Variants in CCDC178 observed in about 807,000 individuals in gnomAD.
CCDC178 encodes coiled-coil domain-containing protein 178.
In CCDC178, 126 loss-of-function variants were observed where a neutral mutation model predicts 117.4. That is an observed-to-expected ratio of 1.07 (90% CI 0.93 to 1.24). The LOEUF is 1.24. CCDC178 is among the 50% of genes most tolerant of loss of function. The pLI is 0.00. For missense variants in CCDC178, 1,030 were observed against 986.9 expected, an observed-to-expected ratio of 1.04 and a Z score of -0.59; for synonymous variants, 283 against 313.4, an observed-to-expected ratio of 0.90 and a Z score of 1.02.
At chr18:33,124,516 A>G (rs1406233721) in intron 20 of CCDC178, among the ~76,000 whole-genome samples, 4 of 152,146 alleles carry the variant, frequency 2.6e-5, no homozygotes, top group African/African-American at 9.7e-5. Context: ...CTAGTTACTA[A>G]TACTAGTTTT....
intron 11 of CCDC178, among the ~76,000 whole-genome samples, chr18:33,303,840 A>T (rs1447158623): frequency 6.6e-6 from 1 of 152,196 alleles, no homozygotes; most frequent in Non-Finnish European, 1.5e-5. Flanking sequence ...GGGAGGAAGC[A>T]GTAGTCAGGG....
At position 33,346,329 on chromosome 18, in the gene CCDC178, G is replaced by A. The variant is rs769019497; in HGVS notation, c.540C>T (p.Asp180=). 2.7e-5 allele frequency: 44 copies of A among 1,613,242 alleles called. No individual in the cohort carries two copies. Among genetic ancestry groups the A allele is most frequent in the Non-Finnish European group, 3.5e-5 (41 of 1,179,518 alleles). ...TTAAAGCTTCTTCAGCGTCTGCCCGGTCAGTTTCTAGACTTTTAATGAGAC... is the reference window on the plus strand; with the variant it reads ...TTAAAGCTTCTTCAGCGTCTGCCCGATCAGTTTCTAGACTTTTAATGAGAC... The part of the protein sequence containing the change: ...AIRLIKSLET[D]RADAEEALKQ... Residue 180 remains aspartate (D), a synonymous_variant, in exon 9 of 23, where the codon GAC becomes GAT. Coordinates refer to ENST00000383096, the MANE Select transcript of CCDC178 (RefSeq NM_001105528.4).
intron 14 of CCDC178, among the ~76,000 whole-genome samples, chr18:33,248,077 A>G (rs1460257940): frequency 1.3e-5 from 2 of 151,844 alleles, no homozygotes; most frequent in Non-Finnish European, 2.9e-5. Flanking sequence ...TATTGTGATA[A>G]AACAGCAGAA....
chr18:33,209,414 T>C (rs1041637380), intron 20 of CCDC178, among the ~76,000 whole-genome samples: 1 of 152,060 alleles, frequency 6.6e-6, no homozygotes, highest in African/African-American at 2.4e-5. Flanking sequence ...AAGTATTTTA[T>C]TAAACCATCC....
At chr18:33,212,149 A>G (rs2144590952) in intron 19 of CCDC178, 94 bp from the exon 20 acceptor site, 4 of 958,432 alleles carry the variant, frequency 4.2e-6, no homozygotes, top group Non-Finnish European at 6.0e-6. Context: ...AAAATGAAAA[A>G]TCTTGAAGAC....
intron 21 of CCDC178, among the ~76,000 whole-genome samples, chr18:33,062,081 G>T (rs540460065): frequency 1.1e-4 from 16 of 152,134 alleles, no homozygotes; most frequent in Non-Finnish European, 2.2e-4. Context: ...TCAATTAACA[G>T]AATCAATTCA....
At chr18:33,078,993 A>T (rs1484515540) in intron 21 of CCDC178, among the ~76,000 whole-genome samples, 1 of 152,172 alleles carries the variant, frequency 6.6e-6, no homozygotes, top group Non-Finnish European at 1.5e-5. Context: ...AAAAGAACAA[A>T]GGTGGAGGCA....
intron 18 of CCDC178, among the ~76,000 whole-genome samples, chr18:33,221,888 A>C (rs553136450): frequency 5.9e-5 from 9 of 152,238 alleles, no homozygotes; most frequent in African/African-American, 2.2e-4. Flanking sequence ...ACAAAATCTT[A>C]GTAGTAGTTG....
chr18:33,359,330 T>G (rs1216250222), intron 6 of CCDC178, among the ~76,000 whole-genome samples: 5 of 151,756 alleles, frequency 3.3e-5, no homozygotes, highest in African/African-American at 4.8e-5. Context: ...AGGTAATATA[T>G]CAAAACATTA....
At chr18:33,399,090 C>T (rs1379012361) in intron 3 of CCDC178, among the ~76,000 whole-genome samples, 2 of 151,988 alleles carry the variant, frequency 1.3e-5, no homozygotes, top group African/African-American at 4.8e-5. Context: ...GTCCCAGCTA[C>T]ACGGGAGGCT....
intron 21 of CCDC178, among the ~76,000 whole-genome samples, chr18:33,032,436 T>C (rs2144864447): frequency 6.6e-6 from 1 of 152,254 alleles, no homozygotes; most frequent in East Asian, 1.9e-4. Flanking sequence ...GTGAGTGAAT[T>C]ACACAGGATG....
chr18:33,021,834 T>G (rs1045509947), intron 21 of CCDC178, among the ~76,000 whole-genome samples: 15 of 152,210 alleles, frequency 9.9e-5, no homozygotes, highest in Non-Finnish European at 1.9e-4. Flanking sequence ...CTTTATATTT[T>G]TATTGCCTCT....
intron 10 of CCDC178, 95 bp downstream of exon 10, chr18:33,333,079 A>AC: frequency 1.5e-6 from 1 of 664,974 alleles, no homozygotes; most frequent in Non-Finnish European, 2.5e-6. Flanking sequence ...GAAAAAAAAA[A>AC]AAAACCTTTA....
At chr18:33,306,644 G>A (rs1248189732) in intron 11 of CCDC178, among the ~76,000 whole-genome samples, 1 of 147,574 alleles carries the variant, frequency 6.8e-6, no homozygotes, top group Non-Finnish European at 1.5e-5. Flanking sequence ...AAGGTTATAT[G>A]TTATGTCTAG....
chr18:33,245,443 C>T lies in CCDC178; in HGVS notation c.1410-15G>A. On this transcript the variant is annotated splice_polypyrimidine_tract_variant and intron_variant, in intron 14 of 22. Coordinates refer to ENST00000383096, the MANE Select transcript of CCDC178 (RefSeq NM_001105528.4). ...TTTTCCGTATGCTGTAAAAGTAAAG[C>T]AAAAATTAATATTATTGAGTATATA... 2.0e-6 allele frequency: 3 copies of T among 1,482,936 alleles called. No homozygotes were observed. In the East Asian group the frequency reaches 7.4e-5, roughly 37 times the overall value. The allele number at this position is 1,482,936 out of a possible 1,614,324, so 91.9% of individuals were successfully genotyped here. A position where few individuals can be genotyped will look rare whatever the true frequency, so the allele number is the denominator to read the frequency against.
At chr18:32,983,367 A>G (rs1411296486) in intron 21 of CCDC178, 2 of 1,418,948 alleles carry the variant, frequency 1.4e-6, no homozygotes, top group African/African-American at 2.8e-5. Flanking sequence ...GAATAGAAAT[A>G]TTACAAATAT....
At chr18:33,207,767 A>G (rs1303261513) in intron 20 of CCDC178, among the ~76,000 whole-genome samples, 4 of 152,106 alleles carry the variant, frequency 2.6e-5, no homozygotes, top group Admixed American at 2.6e-4. Context: ...TAGTATTAGC[A>G]GTAATTCTGC....
chr18:33,269,917 T>G (rs1472562851), intron 12 of CCDC178, among the ~76,000 whole-genome samples: 1 of 151,748 alleles, frequency 6.6e-6, no homozygotes, highest in Non-Finnish European at 1.5e-5. Context: ...AGGGGAAAAT[T>G]AGACATTTTA....
At chr18:33,224,751 T>G (rs762291735) in intron 17 of CCDC178, 24 bp downstream of exon 17, 10 of 1,394,428 alleles carry the variant, frequency 7.2e-6, no homozygotes, top group Non-Finnish European at 8.6e-6. Context: ...TGCACATTAA[T>G]TTTTGGATTA....
Sources: gnomAD v4.1 joint callset for allele counts (sites outside exome capture counted in the v4.1 genomes callset) on GRCh38, gnomAD v4.1.1 for gene constraint, MANE v1.5 for transcripts, NCBI Gene and HGNC (gene_info 2026-07-23, HGNC 2026-07-21) for gene names.